Variants in TFB1M observed in about 807,000 individuals in gnomAD.
The protein encoded by TFB1M is transcription factor B1, mitochondrial, also known as dimethyladenosine transferase 1, mitochondrial.
Under a neutral mutation model 31.1 loss-of-function variants are expected in TFB1M, and 27 were observed. The ratio of observed to expected loss-of-function variants is 0.87; its 90% CI spans 0.64 to 1.20. The LOEUF is 1.20. Among genes scored for constraint, TFB1M ranks in the 50% most tolerant of loss-of-function variants. The pLI, the probability that TFB1M is intolerant of heterozygous loss-of-function variation, is 0.00. For synonymous variants in TFB1M, 166 were observed against 151.8 expected, an observed-to-expected ratio of 1.09 and a Z score of -0.69; for missense variants, 394 against 418.7, an observed-to-expected ratio of 0.94 and a Z score of 0.51.
chr6:155,237,546 A>C, the TFB1M span, among the ~76,000 whole-genome samples: 1 of 152,358 alleles, frequency 6.6e-6, no homozygotes, highest in South Asian at 2.1e-4. Flanking sequence ...GTTCTCCATG[A>C]GAGCCCTGCC....
At chr6:155,245,815 A>G in the TFB1M span, 1 of 931,428 alleles carries the variant, frequency 1.1e-6, no homozygotes, top group Non-Finnish European at 1.6e-6. Context: ...TTTAACAAGT[A>G]GAGAGTAAGT....
chr6:155,230,054 A>G, the TFB1M span, among the ~76,000 whole-genome samples: 5 of 151,930 alleles, frequency 3.3e-5, no homozygotes, highest in East Asian at 5.8e-4. Flanking sequence ...GAGCCAAACC[A>G]TATCACCAGG....
chr6:155,250,017 G>A, the TFB1M span: 1 of 1,439,708 alleles, frequency 6.9e-7, no homozygotes, highest in Non-Finnish European at 9.6e-7. Context: ...GTGGTGTGGG[G>A]TCTGTAGGTG....
the TFB1M span, among the ~76,000 whole-genome samples, chr6:155,247,707 A>G: frequency 2.6e-5 from 4 of 152,200 alleles, no homozygotes; most frequent in African/African-American, 9.7e-5. Flanking sequence ...GGTATGCATG[A>G]AATGTGTCTT....
chr6:155,264,221 G>C (rs999049657), intron 5 of TFB1M: 2 of 152,164 alleles, frequency 1.3e-5, no homozygotes, highest in African/African-American at 4.8e-5. Flanking sequence ...TGCTCTTCAA[G>C]TACCTCCACC....
chr6:155,251,092 C>T, the TFB1M span: 1 of 1,336,908 alleles, frequency 7.5e-7, no homozygotes. Context: ...ACTAGCCGCA[C>T]CAGTCCAGCT....
chr6:155,261,442 C>T (rs567350408), intron 5 of TFB1M, among the ~76,000 whole-genome samples: 1 of 152,298 alleles, frequency 6.6e-6, no homozygotes, highest in African/African-American at 2.4e-5. Context: ...GGACTTGCTT[C>T]TAAAGATCCT....
At chr6:155,241,415 A>G in the TFB1M span, among the ~76,000 whole-genome samples, 1 of 152,114 alleles carries the variant, frequency 6.6e-6, no homozygotes, top group African/African-American at 2.4e-5. Context: ...CGGTGGGCTG[A>G]GGGTCCAGGC....
intron 2 of TFB1M, among the ~76,000 whole-genome samples, chr6:155,305,292 ATATT>A (rs1410468335): frequency 2.6e-5 from 1 of 38,226 alleles, no homozygotes; most frequent in Non-Finnish European, 4.2e-5. Context: ...ATTAAATTAT[ATATT>A]TATATATATA....
the TFB1M span, chr6:155,245,546 T>C: frequency 1.7e-6 from 2 of 1,184,126 alleles, no homozygotes; most frequent in East Asian, 2.3e-5. Context: ...ACAGAAGCCA[T>C]GGGGCCGTCA....
At chr6:155,250,878 C>T in the TFB1M span, 2 of 1,597,324 alleles carry the variant, frequency 1.3e-6, no homozygotes, top group South Asian at 1.1e-5. Context: ...CCTGGGATTT[C>T]CGTATCTTCC....
In TFB1M at chr6:155,256,423, A is replaced by G. The variant is rs1289888438; in HGVS notation, c.*1413T>C. On this transcript the variant is annotated 3_prime_UTR_variant, in exon 7 of 7. Transcript: ENST00000367166. ...TAAATCTTACACAAGCTTTGAGGCAAACATTACACATTGTGTAACCTGTTT... is the reference window on the plus strand; with the variant it reads ...TAAATCTTACACAAGCTTTGAGGCAGACATTACACATTGTGTAACCTGTTT... The G allele has an allele frequency of 6.2e-7, 1 of 1,605,358 alleles. No individual in the cohort carries two copies. The highest frequency in any genetic ancestry group is 1.7e-5 in the Admixed American group (1 of 58,736).
chr6:155,253,129 A>C, downstream of TFB1M: 2 of 1,267,154 alleles, frequency 1.6e-6, no homozygotes, highest in African/African-American at 1.5e-5. Flanking sequence ...TTAAGAAAGG[A>C]CCTTGGGGAT....
intron 4 of TFB1M, among the ~76,000 whole-genome samples, chr6:155,288,924 G>C (rs1208991636): frequency 6.6e-6 from 1 of 152,316 alleles, no homozygotes; most frequent in East Asian, 1.9e-4. Flanking sequence ...TTACAAGATA[G>C]ATGATTTTAG....
At chr6:155,304,132 A>G (rs1181210065) in intron 2 of TFB1M, among the ~76,000 whole-genome samples, 5 of 152,074 alleles carry the variant, frequency 3.3e-5, no homozygotes, top group African/African-American at 1.2e-4. Flanking sequence ...AATACAAAAA[A>G]TTAGCTGGGC....
chr6:155,264,014 A>G (rs377429705), intron 5 of TFB1M: 10 of 152,192 alleles, frequency 6.6e-5, no homozygotes, highest in South Asian at 2.1e-4. Context: ...GAAGGATTCA[A>G]AGTTCGAAGT....
chr6:155,246,444 T>C, the TFB1M span, among the ~76,000 whole-genome samples: 1 of 152,318 alleles, frequency 6.6e-6, no homozygotes, highest in South Asian at 2.1e-4. Context: ...CTGAACTCTG[T>C]TGCCATTTCC....
chr6:155,277,795 A>G (rs1785289899), intron 5 of TFB1M, among the ~76,000 whole-genome samples: 1 of 152,202 alleles, frequency 6.6e-6, no homozygotes, highest in Admixed American at 6.5e-5. Context: ...GTCATACTAA[A>G]AAGAATTCTG....
intron 5 of TFB1M, among the ~76,000 whole-genome samples, chr6:155,277,487 A>G (rs1270928032): frequency 6.6e-6 from 1 of 152,214 alleles, no homozygotes; most frequent in Non-Finnish European, 1.5e-5. Context: ...TCAATGGTAA[A>G]GGGGAAAAAA....
Sources: gnomAD v4.1 joint callset for allele counts (sites outside exome capture counted in the v4.1 genomes callset) on GRCh38, gnomAD v4.1.1 for gene constraint, MANE v1.5 for transcripts, NCBI Gene and HGNC (gene_info 2026-07-23, HGNC 2026-07-21) for gene names.